Variants in COPG2 observed in about 807,000 individuals in gnomAD.
COPG2 encodes coatomer subunit gamma-2.
COPG2 carries 37 observed loss-of-function variants against 46.3 expected under a neutral mutation model. That is an observed-to-expected ratio of 0.80 (90% CI 0.61 to 1.05). COPG2 has a LOEUF of 1.05. Ranked by LOEUF, COPG2 falls within the 50% of genes least tolerant of loss-of-function variation. The pLI is 0.00. For missense variants in COPG2, 427 were observed against 387.8 expected, an observed-to-expected ratio of 1.10 and a Z score of -0.85; for synonymous variants, 159 against 129.7, an observed-to-expected ratio of 1.23 and a Z score of -1.53.
rs1793601436 is a variant in COPG2 at position 130,555,139 on chromosome 7, A to G, written c.1129-7T>C. The G allele has an allele frequency of 7.5e-6, 3 of 398,328 alleles. No homozygotes were observed. The highest frequency in any genetic ancestry group is 1.3e-5 in the Non-Finnish European group (3 of 225,964). The allele number at this position is 398,328 out of a possible 1,614,324, so 24.7% of individuals were successfully genotyped here. A position where few individuals can be genotyped will look rare whatever the true frequency, so the allele number is the denominator to read the frequency against. Reference sequence around the variant, plus strand: ...TTGCCTGTACAACCACCACCTGTAGAAAAACAAAAAGAATATTCATTTTTA... The same window carrying G: ...TTGCCTGTACAACCACCACCTGTAGGAAAACAAAAAGAATATTCATTTTTA... On this transcript the variant is annotated splice_polypyrimidine_tract_variant and splice_region_variant and intron_variant, in intron 12 of 23. Coordinates refer to ENST00000425248, the MANE Select transcript of COPG2 (RefSeq NM_012133.6).
chr7:130,610,852 A>G lies in COPG2; in HGVS notation c.737+101T>C, dbSNP rs935954091. On this transcript the variant is annotated intron_variant, in intron 9 of 23. Coordinates refer to ENST00000425248, the MANE Select transcript of COPG2 (RefSeq NM_012133.6). ...TTGAAAAACATTGAACTCATCTGTA[A>G]AGTTAGCACTGCCCCAAAAAAAATT... The G allele has an allele frequency of 3.5e-6, 4 of 1,135,324 alleles. No individual in the cohort carries two copies. In the African/African-American group the frequency reaches 6.1e-5, roughly 17 times the overall value. The allele number at this position is 1,135,324 out of a possible 1,614,324, so 70.3% of individuals were successfully genotyped here.
intron 9 of COPG2, 170 bp downstream of exon 9, chr7:130,610,783 G>A (rs1392480186): frequency 5.6e-6 from 4 of 720,242 alleles, no homozygotes; most frequent in East Asian, 5.3e-5. Flanking sequence ...ATACAGTAAG[G>A]TTAAAAAAAG....
rs1045166749 is a variant in COPG2 at position 130,549,989 on chromosome 7, C to T, written c.1774+535G>A. Among the ~76,000 whole-genome samples, 748 of 152,276 alleles carry T rather than the reference C, an allele frequency of 4.9e-3. 8 individuals carry two copies. The highest frequency in any genetic ancestry group is 0.017 in the African/African-American group (722 of 41,548). On this transcript the variant is annotated intron_variant, in intron 17 of 23. Coordinates refer to ENST00000425248, the MANE Select transcript of COPG2 (RefSeq NM_012133.6). Reference sequence around the variant, plus strand: ...GCACAGTGGCAACTGACTTCAGATACTGTAATGCTTTGCATTAAAAAAAAC... The same window carrying T: ...GCACAGTGGCAACTGACTTCAGATATTGTAATGCTTTGCATTAAAAAAAAC...
At chr7:130,508,844 A>T (rs1799547535) in intron 20 of COPG2, among the ~76,000 whole-genome samples, 185 bp from the exon 21 acceptor site, 1 of 152,202 alleles carries the variant, frequency 6.6e-6, no homozygotes, top group African/African-American at 2.4e-5. Context: ...CAAAGCATGA[A>T]TGTAAAGTCT....
At chr7:130,574,507 T>G (rs1216492700) in intron 9 of COPG2, among the ~76,000 whole-genome samples, 2 of 152,058 alleles carry the variant, frequency 1.3e-5, no homozygotes, top group Non-Finnish European at 2.9e-5. Flanking sequence ...GAGTACTACA[T>G]CCAAGCAACA....
chr7:130,523,906 G>A (rs1225863329), intron 20 of COPG2, among the ~76,000 whole-genome samples: 1 of 152,004 alleles, frequency 6.6e-6, no homozygotes, highest in Non-Finnish European at 1.5e-5. Context: ...GGAGGAGCCG[G>A]GTCTCAGGCA....
chr7:130,628,135 G>A (rs1173020620), intron 5 of COPG2, among the ~76,000 whole-genome samples: 1 of 152,028 alleles, frequency 6.6e-6, no homozygotes, highest in Non-Finnish European at 1.5e-5. Flanking sequence ...TTTTGTTTTT[G>A]TTGTTGTTTT....
intron 23 of COPG2, among the ~76,000 whole-genome samples, chr7:130,507,008 A>T (rs762557290): frequency 9.2e-5 from 14 of 152,242 alleles, no homozygotes; most frequent in Non-Finnish European, 1.9e-4. Flanking sequence ...CATAGAAGGT[A>T]TTCAAAAATA....
At chr7:130,553,776 A>G (rs928730684) in intron 14 of COPG2, among the ~76,000 whole-genome samples, 1 of 152,224 alleles carries the variant, frequency 6.6e-6, no homozygotes. Context: ...AGCTCTGTAA[A>G]TAAGAGTGAG....
At chr7:130,630,972 G>A (rs146334419) in intron 5 of COPG2, among the ~76,000 whole-genome samples, 89 of 152,188 alleles carry the variant, frequency 5.8e-4, no homozygotes, top group Middle Eastern at 3.4e-3. Context: ...TAAAGATGCA[G>A]TGAGCTATGA....
At position 130,573,347 on chromosome 7, in the gene COPG2, C is replaced by A. The variant is rs534261778; in HGVS notation, c.738-8954G>T. ...AAGAACATTTACTAACCAACTAATT[C>A]TATGAAGCTAGTACTATTCAGATAA... On this transcript the variant is annotated intron_variant, in intron 9 of 23. Transcript: ENST00000425248. 1.1e-4 allele frequency among the ~76,000 whole-genome samples: 16 copies of A among 152,018 alleles called. 1 individual carries two copies. In the East Asian group the frequency reaches 2.7e-3, roughly 26 times the overall value.
intron 20 of COPG2, among the ~76,000 whole-genome samples, chr7:130,524,267 C>T (rs1464126610): frequency 2.0e-5 from 3 of 151,802 alleles, no homozygotes; most frequent in Admixed American, 6.6e-5. Flanking sequence ...GCAGCGGGTG[C>T]GGGGCCAGGT....
At chr7:130,658,549 A>G (rs537714279) in intron 4 of COPG2, among the ~76,000 whole-genome samples, 9 of 149,498 alleles carry the variant, frequency 6.0e-5, no homozygotes, top group African/African-American at 2.2e-4. Context: ...AACTACACTT[A>G]AAAAAAAAAT....
intron 9 of COPG2, among the ~76,000 whole-genome samples, chr7:130,567,597 G>A: frequency 6.6e-6 from 1 of 152,246 alleles, no homozygotes; most frequent in South Asian, 2.1e-4. Flanking sequence ...AAACCTACCA[G>A]ATTAACAGCA....
chr7:130,549,999 T>G (rs1444638166), intron 17 of COPG2, among the ~76,000 whole-genome samples: 5 of 152,204 alleles, frequency 3.3e-5, no homozygotes, highest in Non-Finnish European at 5.9e-5. Context: ...CTGTAATGCT[T>G]TGCATTAAAA....
chr7:130,536,871 G>C (rs1799885421), intron 20 of COPG2, among the ~76,000 whole-genome samples: 1 of 152,188 alleles, frequency 6.6e-6, no homozygotes. Flanking sequence ...GAAGTGGGCT[G>C]TGCGGGTGAG....
chr7:130,664,721 A>G (rs1028017234), intron 3 of COPG2, among the ~76,000 whole-genome samples: 1 of 152,240 alleles, frequency 6.6e-6, no homozygotes, highest in Non-Finnish European at 1.5e-5. Flanking sequence ...GTTACTCTCA[A>G]TCAACTTTGA....
At position 130,610,954 on chromosome 7, in the gene COPG2, C is replaced by T. The variant is rs782358651; in HGVS notation, c.736G>A (p.Gly246Ser). 2.5e-6 allele frequency: 4 copies of T among 1,613,646 alleles called. No individual in the cohort carries two copies. In the South Asian group the frequency reaches 4.4e-5, roughly 18 times the overall value. Residue 246 changes from glycine to serine, a missense_variant and splice_region_variant, in exon 9 of 24, where the codon GGC becomes AGC. Physicochemically the swap from Gly to Ser is moderately conservative, Grantham distance 56. Transcript: ENST00000425248. ...ASRLLKETED[G>S]HESPLFDFIE... The stretch of plus-strand genomic sequence containing the variant: ...CCAGGTTTAGGTGAAGACACTTACC[C>T]ATCCTCAGTTTCTTTTAGTAAGCGA...
chr7:130,570,011 TATG>T (rs1793868814), intron 9 of COPG2, among the ~76,000 whole-genome samples: 1 of 152,208 alleles, frequency 6.6e-6, no homozygotes, highest in Admixed American at 6.5e-5. Flanking sequence ...AGCATCCCTT[TATG>T]ATTAAAACCC....
Sources: gnomAD v4.1 joint callset for allele counts (sites outside exome capture counted in the v4.1 genomes callset) on GRCh38, gnomAD v4.1.1 for gene constraint, MANE v1.5 for transcripts, NCBI Gene and HGNC (gene_info 2026-07-23, HGNC 2026-07-21) for gene names.